PPP2R5C: variants seen among roughly 807,000 people sequenced by gnomAD.
PPP2R5C encodes the protein serine/threonine-protein phosphatase 2A 56 kDa regulatory subunit gamma isoform.
In PPP2R5C, 7 loss-of-function variants were observed where a neutral mutation model predicts 68.9. The observed-to-expected ratio is 0.10, with a 90% CI of 0.06 to 0.19. The LOEUF (loss-of-function observed/expected upper bound fraction) is 0.19. PPP2R5C is among the 10% of genes least tolerant of loss of function. PPP2R5C has a pLI of 1.00. For missense variants in PPP2R5C, 348 were observed against 641.3 expected (o/e 0.54, Z 4.94); for synonymous variants, 210 against 222.2 (o/e 0.95, Z 0.49).
At chr14:101,875,426 A>G (rs933364249) in intron 2 of PPP2R5C, among the ~76,000 whole-genome samples, 1 of 152,202 alleles carries the variant, frequency 6.6e-6, no homozygotes, top group Admixed American at 6.5e-5. Context: ...GACTGTAATT[A>G]TTTTGCAGCT....
At position 101,815,890 on chromosome 14, in the gene PPP2R5C, G is replaced by A. The variant is rs1014936813; in HGVS notation, c.94+5854G>A. Among the ~76,000 whole-genome samples the A allele has an allele frequency of 6.6e-5, 10 of 151,982 alleles. No homozygotes were observed. The East Asian group carries it at 7.7e-4, about 12-fold the overall frequency. On this transcript the variant is annotated intron_variant, in intron 1 of 13. Coordinates refer to ENST00000334743, the Ensembl canonical transcript of PPP2R5C. ...TCACCGTGATGGCCAGGCTGCTCTC[G>A]AACTCCTGACCTCAAGTGATCCGCC...
Position 101,918,809 on chromosome 14 carries a change from G to A in PPP2R5C, c.1443+862G>A, listed in dbSNP as rs80131199. ...GGGTTCAAGGAGCGTTTCAGCTGCC[G>A]TGTTTCCCTGAGCGTCCCTCCCTGT... is the stretch of plus-strand genomic sequence containing the variant. On this transcript the variant is annotated intron_variant, in intron 13 of 13. Coordinates refer to ENST00000334743, the Ensembl canonical transcript of PPP2R5C. 2.1e-3 allele frequency among the ~76,000 whole-genome samples: 312 copies of A among 149,084 alleles called. 2 individuals carry two copies. Among genetic ancestry groups the A allele is most frequent in the African/African-American group, 7.2e-3 (289 of 40,232 alleles).
chr14:101,917,905 T>C lies in PPP2R5C; in HGVS notation c.1401T>C (p.Asp467=), dbSNP rs751415560. ...AGACAGATGGGCCTTTATTTGAAGA[T>C]GTGCAGATGCTGAGAAAGACAGTGA... The change falls in exon 13 of 14, where the codon GAT becomes GAC. Residue 467 remains aspartate, a synonymous_variant. Transcript: ENST00000334743. This position sits in a 1 kb window ranked among gnomAD's most constrained non-coding sequence, Gnocchi z 4.4. 5.6e-5 allele frequency: 91 copies of C among 1,613,746 alleles called. No individual in the cohort carries two copies. The East Asian group carries it at 1.9e-3, about 34-fold the overall frequency.
At chr14:101,870,060 TTTTTTTGAG>T (rs2043301838) in intron 2 of PPP2R5C, among the ~76,000 whole-genome samples, 1 of 135,400 alleles carries the variant, frequency 7.4e-6, no homozygotes, top group East Asian at 2.0e-4. Context: ...TTTTTTTTTT[TTTTTTTGAG>T]TTTTGAGTTT....
At chr14:101,897,832 TC>T (rs1218582350) in intron 8 of PPP2R5C, among the ~76,000 whole-genome samples, 1 of 151,580 alleles carries the variant, frequency 6.6e-6, no homozygotes, top group African/African-American at 2.4e-5. Context: ...AATTTATCTC[TC>T]CCCTCCTCTC....
At chr14:101,762,538 G>A (rs1399771426) in intron 1 of PPP2R5C, among the ~76,000 whole-genome samples, 1 of 152,142 alleles carries the variant, frequency 6.6e-6, no homozygotes, top group African/African-American at 2.4e-5. Flanking sequence ...TGCTTCAGGT[G>A]GAGCTCTGTA....
intron 3 of PPP2R5C, among the ~76,000 whole-genome samples, chr14:101,787,639 C>T (rs889266334): frequency 1.3e-5 from 2 of 151,582 alleles, no homozygotes; most frequent in Non-Finnish European, 1.5e-5. Context: ...TGGTGGCGGG[C>T]GCCTGTAGTC....
chr14:101,812,636 A>G (rs1595229508), intron 1 of PPP2R5C, among the ~76,000 whole-genome samples: 2 of 152,212 alleles, frequency 1.3e-5, no homozygotes, highest in East Asian at 3.8e-4. Flanking sequence ...ATTTTCCCCA[A>G]TGCCTTACCA....
chr14:101,836,885 G>A (rs537269171), intron 1 of PPP2R5C, among the ~76,000 whole-genome samples: 17 of 152,346 alleles, frequency 1.1e-4, no homozygotes, highest in East Asian at 5.8e-4. Flanking sequence ...ACGCTAAAGC[G>A]TACAGTCCAT....
rs149073216 is a variant in PPP2R5C, at chr14:101,793,023, G to A, written c.259+6840G>A. The stretch of plus-strand genomic sequence containing the variant: ...CTCCCAAGTAGCTAGGATTACAGGC[G>A]TGTGCCACCATGCCCAGCTAATTTT... On this transcript the variant is annotated intron_variant, in intron 3 of 14. Transcript: ENST00000328724. Among the ~76,000 whole-genome samples the A allele has an allele frequency of 9.7e-3, 1,468 of 151,976 alleles. 28 individuals are homozygous for A. Among genetic ancestry groups the A allele is most frequent in the African/African-American group, 0.034 (1,412 of 41,432 alleles).
At chr14:101,884,359 C>G (rs1348360363) in intron 5 of PPP2R5C, among the ~76,000 whole-genome samples, 1 of 152,202 alleles carries the variant, frequency 6.6e-6, no homozygotes, top group African/African-American at 2.4e-5. Flanking sequence ...ACAGACATAC[C>G]CAGGCACAAT....
chr14:101,819,659 A>T (rs2039929143), intron 1 of PPP2R5C: 1 of 153,082 alleles, frequency 6.5e-6, no homozygotes, highest in African/African-American at 2.4e-5. Flanking sequence ...TTGGTTGCTC[A>T]GGCTGGAGTG....
chr14:101,768,457 C>G (rs1050113318), intron 2 of PPP2R5C, among the ~76,000 whole-genome samples: 2 of 152,016 alleles, frequency 1.3e-5, no homozygotes, highest in African/African-American at 4.8e-5. Context: ...AATAGTTCAT[C>G]TAATAATAAC....
intron 2 of PPP2R5C, among the ~76,000 whole-genome samples, chr14:101,768,981 C>T (rs555845364): frequency 4.6e-5 from 7 of 152,204 alleles, no homozygotes; most frequent in Admixed American, 1.3e-4. Flanking sequence ...CCCGCCACCA[C>T]GCCCGGCTCA....
At chr14:101,821,082 TAAAAA>T (rs558004539) in intron 1 of PPP2R5C, 1 of 138,778 alleles carries the variant, frequency 7.2e-6, no homozygotes, top group Non-Finnish European at 1.6e-5. Flanking sequence ...CTCTTTTCTC[TAAAAA>T]AAAAAATAAA....
intron 1 of PPP2R5C, among the ~76,000 whole-genome samples, chr14:101,816,243 A>G (rs1308488283): frequency 6.6e-6 from 1 of 152,206 alleles, no homozygotes; most frequent in African/African-American, 2.4e-5. Flanking sequence ...GGCCTTGCTC[A>G]GGCGCTGTTT....
intron 2 of PPP2R5C, among the ~76,000 whole-genome samples, chr14:101,861,977 G>C (rs750665400): frequency 6.6e-6 from 1 of 152,200 alleles, no homozygotes; most frequent in Non-Finnish European, 1.5e-5. Context: ...CAGTGGCACA[G>C]TCATAGCCCA....
At chr14:101,893,983 C>T (rs565397442) in intron 7 of PPP2R5C, among the ~76,000 whole-genome samples, 1 of 152,346 alleles carries the variant, frequency 6.6e-6, no homozygotes, top group East Asian at 1.9e-4. Context: ...CACAAGGCTC[C>T]TCTCTGCCAG....
intron 1 of PPP2R5C, chr14:101,819,203 G>T (rs1273996082): frequency 3.4e-6 from 3 of 885,608 alleles, no homozygotes; most frequent in Non-Finnish European, 5.3e-6. Flanking sequence ...TAATTGGTCA[G>T]ACTTCTCAAA....
Sources: gnomAD v4.1 joint callset for allele counts (sites outside exome capture counted in the v4.1 genomes callset) on GRCh38, gnomAD v4.1.1 for gene constraint, Gnocchi (gnomAD v3.1) non-coding constraint, MANE v1.5 for transcripts, NCBI Gene and HGNC (gene_info 2026-07-23, HGNC 2026-07-21) for gene names.